Variants in LRRC4C observed in about 807,000 individuals in gnomAD.
LRRC4C encodes the protein leucine-rich repeat-containing protein 4C.
In LRRC4C, 5 loss-of-function variants were observed where a neutral mutation model predicts 33.6. The ratio of observed to expected loss-of-function variants is 0.15; its 90% CI spans 0.08 to 0.31. The LOEUF (loss-of-function observed/expected upper bound fraction) is 0.31. Among genes scored for constraint, LRRC4C ranks in the 10% least tolerant of loss-of-function variants. The pLI is 1.00. For synonymous variants in LRRC4C, 329 were observed against 302.0 expected, an observed-to-expected ratio of 1.09 and a Z score of -0.93; for missense variants, 560 against 796.7, an observed-to-expected ratio of 0.70 and a Z score of 3.58.
chr11:41,059,772 C>T (rs1034759855), intron 1 of LRRC4C, among the ~76,000 whole-genome samples: 1 of 152,136 alleles, frequency 6.6e-6, no homozygotes, highest in African/African-American at 2.4e-5. Context: ...TGCCTGTAAT[C>T]CCAGCACTTT....
intron 1 of LRRC4C, among the ~76,000 whole-genome samples, chr11:41,039,899 T>C (rs556303701): frequency 3.3e-5 from 5 of 152,094 alleles, no homozygotes; most frequent in Admixed American, 1.3e-4. Flanking sequence ...CTCAGCACTT[T>C]GGGAGGCCGA....
intron 1 of LRRC4C, among the ~76,000 whole-genome samples, chr11:41,169,827 A>G (rs1289729581): frequency 6.6e-6 from 1 of 152,164 alleles, no homozygotes; most frequent in Non-Finnish European, 1.5e-5. Flanking sequence ...TTTCAATGGT[A>G]TTGTAAGTTT....
At chr11:40,309,395 C>G (rs1478161234) in intron 4 of LRRC4C, among the ~76,000 whole-genome samples, 2 of 152,052 alleles carry the variant, frequency 1.3e-5, no homozygotes, top group African/African-American at 4.8e-5. Flanking sequence ...GTATTTCATT[C>G]CATTTTATTG....
chr11:40,325,846 C>A (rs1343029623), intron 3 of LRRC4C, among the ~76,000 whole-genome samples: 1 of 151,858 alleles, frequency 6.6e-6, no homozygotes, highest in Non-Finnish European at 1.5e-5. Flanking sequence ...TGGTGTTCAA[C>A]ATATATGGAT....
intron 4 of LRRC4C, among the ~76,000 whole-genome samples, chr11:40,305,661 A>T (rs1362242972): frequency 6.6e-6 from 1 of 152,042 alleles, no homozygotes; most frequent in African/African-American, 2.4e-5. Flanking sequence ...CCATACATAG[A>T]CAACATTGGA....
At chr11:40,303,238 G>A (rs2085388788) in intron 4 of LRRC4C, among the ~76,000 whole-genome samples, 1 of 152,120 alleles carries the variant, frequency 6.6e-6, no homozygotes, top group Non-Finnish European at 1.5e-5. Context: ...GGAGAGAGAA[G>A]GGTGGGTATA....
chr11:40,770,932 A>G (rs1949728169), intron 2 of LRRC4C, among the ~76,000 whole-genome samples: 1 of 152,100 alleles, frequency 6.6e-6, no homozygotes, highest in Non-Finnish European at 1.5e-5. Context: ...ATGCACTGGC[A>G]TTGAGTACCT....
At chr11:40,903,873 G>A (rs1956307713) in intron 2 of LRRC4C, among the ~76,000 whole-genome samples, 1 of 152,078 alleles carries the variant, frequency 6.6e-6, no homozygotes. Flanking sequence ...TGCATTACAT[G>A]CCTGTATCAA....
intron 3 of LRRC4C, among the ~76,000 whole-genome samples, chr11:40,544,146 G>T (rs559330647): frequency 1.3e-5 from 2 of 152,104 alleles, no homozygotes; most frequent in South Asian, 2.1e-4. Flanking sequence ...TTAGATGACC[G>T]ATATTTAAAC....
At chr11:40,477,604 T>A (rs1953305281) in intron 3 of LRRC4C, among the ~76,000 whole-genome samples, 1 of 152,226 alleles carries the variant, frequency 6.6e-6, no homozygotes, top group African/African-American at 2.4e-5. Flanking sequence ...TGGTTTGATT[T>A]CCTTTTTCTT....
chr11:40,584,179 T>TAC (rs975576642), intron 3 of LRRC4C, among the ~76,000 whole-genome samples: 3 of 119,652 alleles, frequency 2.5e-5, no homozygotes, highest in African/African-American at 9.5e-5. Context: ...GCACACTTCA[T>TAC]ATATATATAT....
chr11:40,550,527 G>A (rs1957091029), intron 3 of LRRC4C, among the ~76,000 whole-genome samples: 1 of 152,150 alleles, frequency 6.6e-6, no homozygotes, highest in African/African-American at 2.4e-5. Flanking sequence ...CAGACTAATT[G>A]ACAGTCTTAT....
chr11:41,226,358 G>A (rs1455468736), intron 1 of LRRC4C, among the ~76,000 whole-genome samples: 1 of 152,124 alleles, frequency 6.6e-6, no homozygotes, highest in Non-Finnish European at 1.5e-5. Flanking sequence ...CAATGCCTGA[G>A]TCCTCACTCT....
At chr11:41,359,160 A>T (rs1235900175) in intron 1 of LRRC4C, among the ~76,000 whole-genome samples, 3 of 152,216 alleles carry the variant, frequency 2.0e-5, no homozygotes, top group Non-Finnish European at 2.9e-5. Context: ...AGGAACAATT[A>T]AAAAAATAAA....
chr11:40,850,553 T>C (rs2135736452), intron 2 of LRRC4C, among the ~76,000 whole-genome samples: 1 of 152,276 alleles, frequency 6.6e-6, no homozygotes, highest in South Asian at 2.1e-4. Context: ...CTGTATGAGA[T>C]ATCTGTCGAC....
intron 2 of LRRC4C, among the ~76,000 whole-genome samples, chr11:40,705,478 T>C (rs1946111040): frequency 6.7e-6 from 1 of 149,310 alleles, no homozygotes; most frequent in East Asian, 2.1e-4. Flanking sequence ...GTCCTTGCCA[T>C]AGTTTGCTGA....
At chr11:40,453,617 G>GAAAAAAAAAA (rs149112559) in intron 3 of LRRC4C, among the ~76,000 whole-genome samples, 2 of 143,710 alleles carry the variant, frequency 1.4e-5, no homozygotes, top group Non-Finnish European at 1.5e-5. Flanking sequence ...GGCATTCTAA[G>GAAAAAAAAAA]AAAAAAAAAA....
At chr11:40,496,792 C>T (rs188573289) in intron 3 of LRRC4C, among the ~76,000 whole-genome samples, 10 of 152,194 alleles carry the variant, frequency 6.6e-5, no homozygotes, top group East Asian at 3.9e-4. Context: ...AATCACCCTC[C>T]GACCCAGCGT....
At chr11:40,640,123 C>G (rs1350365122) in intron 3 of LRRC4C, among the ~76,000 whole-genome samples, 4 of 152,140 alleles carry the variant, frequency 2.6e-5, no homozygotes, top group Non-Finnish European at 5.9e-5. Flanking sequence ...ATCACACAGT[C>G]AGAAAAACTG....
Sources: allele counts gnomAD v4.1 joint callset (sites outside exome capture counted in the v4.1 genomes callset), GRCh38; gene constraint gnomAD v4.1.1; transcripts MANE v1.5; gene names NCBI Gene and HGNC (gene_info 2026-07-23, HGNC 2026-07-21).